Variants in CAGE1 observed in about 807,000 individuals in gnomAD.
CAGE1 encodes cancer antigen 1.
Under a neutral mutation model 94.9 loss-of-function variants are expected in CAGE1, and 66 were observed. The ratio of observed to expected loss-of-function variants is 0.70; its 90% confidence interval spans 0.57 to 0.85. CAGE1 has a LOEUF of 0.85. Ranked by LOEUF, CAGE1 falls within the 40% of genes least tolerant of loss-of-function variation. CAGE1 has a pLI of 0.00. For missense variants in CAGE1, 865 were observed against 950.4 expected (o/e 0.91, Z 1.18); for synonymous variants, 319 against 321.0 (o/e 0.99, Z 0.07).
At chr6:7,338,795 G>A (rs1046107272) in intron 11 of CAGE1, 11 of 817,350 alleles carry the variant, frequency 1.3e-5, no homozygotes, top group South Asian at 1.2e-4. Flanking sequence ...GGTCTTTACA[G>A]AGCAACATCC....
chr6:7,365,420 A>C (rs781557179), intron 9 of CAGE1, 48 bp downstream of exon 9: 4 of 1,454,796 alleles, frequency 2.7e-6, no homozygotes, highest in Non-Finnish European at 3.8e-6. Context: ...CTAGTAAAAT[A>C]ATGTTGTGTA....
At chr6:7,332,761 C>T (rs1341860970) in intron 12 of CAGE1, among the ~76,000 whole-genome samples, 2 of 152,162 alleles carry the variant, frequency 1.3e-5, no homozygotes, top group Non-Finnish European at 2.9e-5. Flanking sequence ...CCCTACTCTC[C>T]ATACTTTTAT....
chr6:7,333,660 A>C (rs371553312), intron 12 of CAGE1, among the ~76,000 whole-genome samples: 16,883 of 122,552 alleles, frequency 0.14, 1,530 homozygotes, highest in East Asian at 0.32. Flanking sequence ...ATATATATAT[A>C]TATATATATA....
At chr6:7,343,475 C>G (rs1032419967) in intron 11 of CAGE1, among the ~76,000 whole-genome samples, 2 of 152,134 alleles carry the variant, frequency 1.3e-5, no homozygotes. Flanking sequence ...TGGATTTACA[C>G]TGAAATTTTC....
chr6:7,349,353 CA>C (rs1343094734), intron 11 of CAGE1, among the ~76,000 whole-genome samples: 1 of 152,124 alleles, frequency 6.6e-6, no homozygotes, highest in Non-Finnish European at 1.5e-5. Context: ...TTCAGACAAA[CA>C]AATGCTGAGA....
chr6:7,333,636 A>ATATATAT (rs1491547347), intron 12 of CAGE1, among the ~76,000 whole-genome samples: 18 of 43,588 alleles, frequency 4.1e-4, no homozygotes, highest in Non-Finnish European at 6.7e-4. Context: ...CTATCTATCT[A>ATATATAT]ACTATCTATA....
chr6:7,361,723 T>C lies in CAGE1; in HGVS notation c.2193+3745A>G, dbSNP rs141191511. Among the ~76,000 whole-genome samples the C allele has an allele frequency of 4.4e-3, 663 of 152,246 alleles. 8 individuals are homozygous for C. The highest frequency in any genetic ancestry group is 0.015 in the African/African-American group (619 of 41,558). ...GAATGGAAATTAGGAAAATCAGAAC[T>C]AGGAAGGTGAGGGATAGAGTCAGAG... is the stretch of plus-strand genomic sequence containing the variant. On this transcript the variant is annotated intron_variant, in intron 9 of 13. Coordinates refer to ENST00000502583, the MANE Select transcript of CAGE1 (RefSeq NM_001170692.2).
At chr6:7,384,349 C>T (rs9392153) in intron 3 of CAGE1, among the ~76,000 whole-genome samples, 55,201 of 152,118 alleles carry the variant, frequency 0.36, 10,188 homozygotes, top group East Asian at 0.44. Flanking sequence ...ATTTTTCTTA[C>T]ACCTGCATGT....
At chr6:7,367,667 T>G (rs1336126310) in intron 7 of CAGE1, among the ~76,000 whole-genome samples, 1 of 152,220 alleles carries the variant, frequency 6.6e-6, no homozygotes, top group Non-Finnish European at 1.5e-5. Context: ...ATGACTGTGC[T>G]CATACTTTGG....
intron 11 of CAGE1, among the ~76,000 whole-genome samples, chr6:7,337,881 T>A (rs1005963349): frequency 3.9e-5 from 6 of 152,204 alleles, no homozygotes; most frequent in Non-Finnish European, 8.8e-5. Flanking sequence ...GTTAAGTTTA[T>A]TTAAAATTGG....
intron 11 of CAGE1, chr6:7,341,880 G>T: frequency 2.9e-6 from 2 of 686,986 alleles, no homozygotes. Context: ...GCAGGAACGG[G>T]TGCCCTCTCC....
rs1409851022 is a variant in CAGE1, at chr6:7,386,869, C to T, written c.195+110G>A. The T allele has an allele frequency of 1.6e-5, 12 of 761,034 alleles. No individual in the cohort carries two copies. The Admixed American group carries it at 2.0e-4, about 13-fold the overall frequency. The allele number at this position is 761,034 out of a possible 1,614,324, so 47.1% of individuals were successfully genotyped here. The stretch of plus-strand genomic sequence containing the variant: ...CCTGTATTCCCCTCCTTTATGTGTC[C>T]ACCGAATATTGTTTTATTGTTCCTT... On this transcript the variant is annotated intron_variant, in intron 2 of 13. Coordinates refer to ENST00000502583, the MANE Select transcript of CAGE1 (RefSeq NM_001170692.2).
chr6:7,350,791 C>T (rs1188930115), intron 11 of CAGE1, among the ~76,000 whole-genome samples: 1 of 152,058 alleles, frequency 6.6e-6, no homozygotes, highest in Non-Finnish European at 1.5e-5. Flanking sequence ...TAGCCCTAAA[C>T]AATTACATCA....
At position 7,345,153 on chromosome 6, in the gene CAGE1, A is replaced by G. The variant is rs905365320; in HGVS notation, c.2369+9888T>C. 8.5e-5 allele frequency among the ~76,000 whole-genome samples: 7 copies of G among 82,490 alleles called. No homozygotes were observed. In the South Asian group the frequency reaches 1.4e-3, roughly 16 times the overall value. The allele number at this position is 82,490 out of a possible 152,430, so 54.1% of individuals were successfully genotyped here. A position where few individuals can be genotyped will look rare whatever the true frequency, so the allele number is the denominator to read the frequency against. On this transcript the variant is annotated intron_variant, in intron 11 of 13. Coordinates refer to ENST00000502583, the MANE Select transcript of CAGE1 (RefSeq NM_001170692.2). ...CATATTGCTTTTAGGAGCTAGGTCCATATTGCTTTTAGGAGCTATGACACT... is the reference window on the plus strand; with the variant it reads ...CATATTGCTTTTAGGAGCTAGGTCCGTATTGCTTTTAGGAGCTATGACACT...
intron 7 of CAGE1, among the ~76,000 whole-genome samples, 154 bp from the exon 8 acceptor site, chr6:7,366,038 G>C (rs1760320460): frequency 6.6e-6 from 1 of 152,040 alleles, no homozygotes; most frequent in African/African-American, 2.4e-5. Context: ...CTCAGGTCAG[G>C]AGTTCAAGAC....
At chr6:7,379,428 G>GT (rs35471148) in intron 3 of CAGE1, among the ~76,000 whole-genome samples, 1 of 152,136 alleles carries the variant, frequency 6.6e-6, no homozygotes, top group Non-Finnish European at 1.5e-5. Flanking sequence ...TGTCAGTACT[G>GT]TTATTATCCC....
At chr6:7,368,252 CAAAAAA>C (rs57530544) in intron 7 of CAGE1, among the ~76,000 whole-genome samples, 2 of 84,442 alleles carry the variant, frequency 2.4e-5, no homozygotes, top group Admixed American at 1.4e-4. Flanking sequence ...GACTCTGTCT[CAAAAAA>C]AAAAAAAAAA....
At chr6:7,385,674 A>C (rs1561869509) in intron 3 of CAGE1, 111 bp downstream of exon 3, 1 of 486,850 alleles carries the variant, frequency 2.1e-6, no homozygotes, top group East Asian at 3.5e-5. Flanking sequence ...TTGTGGATTA[A>C]GTGTGATGAT....
In CAGE1 at chr6:7,365,531, T is replaced by A; in HGVS notation, c.2130A>T (p.Val710=). ...DSDEAKSIRD[V]PTLLGAKLDK... The stretch of plus-strand genomic sequence containing the variant: ...CCAGTTTGGCTCCCAGAAGGGTAGG[T>A]ACATCTCTGATACTCTTGGCTTCAT... Residue 710 remains valine, a synonymous_variant, in exon 9 of 14, where the codon GTA becomes GTT. Transcript: ENST00000502583. The A allele has an allele frequency of 6.2e-7, 1 of 1,612,832 alleles. No homozygotes were observed. The highest frequency in any genetic ancestry group is 1.1e-5 in the South Asian group (1 of 90,980).
Sources: gnomAD v4.1 joint callset for allele counts (sites outside exome capture counted in the v4.1 genomes callset) on GRCh38, gnomAD v4.1.1 for gene constraint, MANE v1.5 for transcripts, NCBI Gene and HGNC (gene_info 2026-07-23, HGNC 2026-07-21) for gene names.